CAST: variants seen among roughly 807,000 people sequenced by gnomAD.
The protein encoded by CAST is MIR583 host.
CAST carries 76 observed loss-of-function variants against 119.6 expected under a neutral mutation model. The observed-to-expected ratio is 0.64, with a 90% CI of 0.53 to 0.77. The LOEUF is 0.77. Ranked by LOEUF, CAST falls within the 30% of genes least tolerant of loss-of-function variation. CAST has a pLI of 0.00. For synonymous variants in CAST, 319 were observed against 331.6 expected (o/e 0.96, Z 0.41); for missense variants, 953 against 946.5 (o/e 1.01, Z -0.09).
chr5:96,492,075 C>T, the CAST span, among the ~76,000 whole-genome samples: 2 of 152,156 alleles, frequency 1.3e-5, no homozygotes, highest in Non-Finnish European at 2.9e-5. Flanking sequence ...CAGAGATACA[C>T]GTAGTTAATA....
chr5:96,489,809 G>T, the CAST span, among the ~76,000 whole-genome samples: 2 of 152,074 alleles, frequency 1.3e-5, no homozygotes, highest in Admixed American at 1.3e-4. Context: ...GCTATGAGAC[G>T]GCATTCCTGT....
chr5:96,500,712 G>T, the CAST span, among the ~76,000 whole-genome samples: 1 of 152,116 alleles, frequency 6.6e-6, no homozygotes, highest in African/African-American at 2.4e-5. Context: ...CAGTGACTTT[G>T]TCTTACATAA....
the CAST span, among the ~76,000 whole-genome samples, chr5:96,440,858 T>G: frequency 6.6e-6 from 1 of 151,962 alleles, no homozygotes; most frequent in Non-Finnish European, 1.5e-5. Flanking sequence ...TAGTTAAGAG[T>G]CGATGGAAGA....
In CAST at chr5:96,741,316, C is replaced by T. The variant is rs758114747; in HGVS notation, c.969C>T (p.Thr323=). The T allele has an allele frequency of 2.4e-5, 38 of 1,613,274 alleles. No individual in the cohort carries two copies. In the East Asian group the frequency reaches 8.5e-4, roughly 36 times the overall value. ...TAGACGCCTTGTCATCTGACTTCAC[C>T]TGTGGGTCGCCTACAGCTGCTGGAA... is the stretch of plus-strand genomic sequence containing the variant. ...DAIDALSSDF[T]CGSPTAAGKK... The change falls in exon 14 of 32, where the codon ACC becomes ACT. Residue 323 remains threonine, a synonymous_variant. Coordinates refer to ENST00000675179, the MANE Select transcript of CAST (RefSeq NM_001750.7).
chr5:96,679,076 C>T (rs77888059), intron 2 of CAST, among the ~76,000 whole-genome samples: 20 of 151,552 alleles, frequency 1.3e-4, no homozygotes, highest in African/African-American at 4.4e-4. Flanking sequence ...CATGGCTCAC[C>T]GCAGCTTTGA....
At chr5:96,273,506 T>C in the CAST span, among the ~76,000 whole-genome samples, 1 of 152,224 alleles carries the variant, frequency 6.6e-6, no homozygotes, top group Non-Finnish European at 1.5e-5. Context: ...GCACAGTAGA[T>C]TTATGGCCTG....
At chr5:96,453,866 C>G in the CAST span, among the ~76,000 whole-genome samples, 2 of 151,968 alleles carry the variant, frequency 1.3e-5, no homozygotes, top group African/African-American at 4.8e-5. Flanking sequence ...ATATTTGTTA[C>G]TCCATATTAA....
chr5:96,430,200 T>A, the CAST span, among the ~76,000 whole-genome samples: 2 of 152,232 alleles, frequency 1.3e-5, no homozygotes, highest in Non-Finnish European at 2.9e-5. Flanking sequence ...TCTCCGGGTA[T>A]CTATTGACAT....
At chr5:96,392,775 A>G in the CAST span, 1 of 582,820 alleles carries the variant, frequency 1.7e-6, no homozygotes, top group Non-Finnish European at 3.0e-6. Context: ...TCACTTGTGC[A>G]GACAGGAAAG....
chr5:96,098,768 C>T, the CAST span, among the ~76,000 whole-genome samples: 22 of 152,260 alleles, frequency 1.4e-4, no homozygotes, highest in Non-Finnish European at 2.8e-4. Context: ...ATGCCTCCAG[C>T]TTTGTTCCTT....
the CAST span, among the ~76,000 whole-genome samples, chr5:96,185,134 C>G: frequency 0.017 from 2,532 of 152,252 alleles, 35 homozygotes; most frequent in Non-Finnish European, 0.029. Flanking sequence ...TTATTGGCCA[C>G]GTGTATGTCT....
chr5:96,556,759 A>G (rs1253447613), intron 1 of CAST, among the ~76,000 whole-genome samples: 7 of 152,240 alleles, frequency 4.6e-5, no homozygotes. Flanking sequence ...TGATGGGGAG[A>G]ATGGAACCAA....
intron 4 of CAST, among the ~76,000 whole-genome samples, chr5:96,723,661 C>T (rs989980812): frequency 1.3e-5 from 2 of 152,150 alleles, no homozygotes; most frequent in African/African-American, 4.8e-5. Context: ...GCCTTTTAAA[C>T]CCTCTCCCTA....
chr5:96,193,153 C>A, the CAST span, among the ~76,000 whole-genome samples: 1 of 152,088 alleles, frequency 6.6e-6, no homozygotes, highest in East Asian at 1.9e-4. Flanking sequence ...ACCAGTATTC[C>A]TTTCTCCTTT....
chr5:96,521,648 C>G (rs1745520492), upstream of CAST, among the ~76,000 whole-genome samples: 1 of 152,200 alleles, frequency 6.6e-6, no homozygotes, highest in African/African-American at 2.4e-5. Flanking sequence ...CACTCTTTCT[C>G]TCTCCTCACT....
At chr5:96,203,239 A>G in the CAST span, among the ~76,000 whole-genome samples, 1 of 151,748 alleles carries the variant, frequency 6.6e-6, no homozygotes, top group Non-Finnish European at 1.5e-5. Context: ...GCATTGTTTC[A>G]CCAGTCTTCT....
the CAST span, among the ~76,000 whole-genome samples, chr5:96,207,782 T>G: frequency 2.0e-5 from 3 of 151,982 alleles, no homozygotes; most frequent in African/African-American, 7.2e-5. Flanking sequence ...CTCTGCCAGG[T>G]TTTGGTATCA....
At chr5:96,456,784 C>G in the CAST span, among the ~76,000 whole-genome samples, 1 of 152,162 alleles carries the variant, frequency 6.6e-6, no homozygotes, top group African/African-American at 2.4e-5. Flanking sequence ...CCCATAATCC[C>G]CACTTGTTGT....
upstream of CAST, chr5:96,662,254 G>A: frequency 1.2e-6 from 1 of 809,202 alleles, no homozygotes; most frequent in Non-Finnish European, 1.7e-6. Context: ...CGGGGCTAGG[G>A]GAACCCCGGC....
Sources: allele counts gnomAD v4.1 joint callset (sites outside exome capture counted in the v4.1 genomes callset), GRCh38; gene constraint gnomAD v4.1.1; transcripts MANE v1.5; gene names NCBI Gene and HGNC (gene_info 2026-07-23, HGNC 2026-07-21).